The following BPNT1 variants were observed in gnomAD, a reference collection of about 807,000 sequenced individuals.
The protein encoded by BPNT1 is 3'(2'), 5'-bisphosphate nucleotidase 1.
Under a neutral mutation model 36.9 loss-of-function variants are expected in BPNT1, and 28 were observed. The observed-to-expected ratio is 0.76, with a 90% CI of 0.56 to 1.04. The LOEUF is 1.04. Ranked by LOEUF, BPNT1 falls within the 50% of genes least tolerant of loss-of-function variation. The pLI is 0.00. For missense variants in BPNT1, 313 were observed against 372.9 expected, an observed-to-expected ratio of 0.84 and a Z score of 1.32; for synonymous variants, 119 against 130.9, an observed-to-expected ratio of 0.91 and a Z score of 0.62.
intron 2 of BPNT1, among the ~76,000 whole-genome samples, chr1:220,079,300 T>C (rs1258568605): frequency 6.6e-6 from 1 of 151,944 alleles, no homozygotes; most frequent in East Asian, 1.9e-4. Flanking sequence ...TTGCCCAGGC[T>C]GGAGTGCAAT....
chr1:220,059,088 A>G, intron 8 of BPNT1, 96 bp from the exon 9 acceptor site: 1 of 1,213,970 alleles, frequency 8.2e-7, no homozygotes, highest in Non-Finnish European at 1.2e-6. Context: ...CTTATCCAAT[A>G]GTAGCCAATA....
intron 1 of BPNT1, among the ~76,000 whole-genome samples, chr1:220,088,958 A>T (rs111400645): frequency 6.8e-6 from 1 of 146,610 alleles, no homozygotes; most frequent in Non-Finnish European, 1.5e-5. Flanking sequence ...AAAATTAGCC[A>T]GGCTTGGTGG....
At chr1:220,071,023 G>A (rs952520511) in intron 4 of BPNT1, among the ~76,000 whole-genome samples, 54 of 151,428 alleles carry the variant, frequency 3.6e-4, no homozygotes, top group African/African-American at 1.3e-3. Flanking sequence ...TGTAATCCCA[G>A]TTACTCAGGA....
chr1:220,089,104 A>G (rs1656057626), intron 1 of BPNT1, among the ~76,000 whole-genome samples: 1 of 128,812 alleles, frequency 7.8e-6, no homozygotes, highest in Non-Finnish European at 1.8e-5. Context: ...CCGTCTCGAA[A>G]AAAAAAAAAA....
chr1:220,058,312 T>C lies in BPNT1; in HGVS notation c.*532A>G, dbSNP rs147542789. 1.0e-4 allele frequency: 100 copies of C among 988,302 alleles called. No homozygotes were observed. The Middle Eastern group carries it at 2.6e-3, about 26-fold the overall frequency. The allele number at this position is 988,302 out of a possible 1,614,324, so 61.2% of individuals were successfully genotyped here. Reference sequence around the variant, plus strand: ...AAACAAATATAACATATTGAGTTTATAAGTTCTCCAGACGTCAAAATTGGT... The same window carrying C: ...AAACAAATATAACATATTGAGTTTACAAGTTCTCCAGACGTCAAAATTGGT... On this transcript the variant is annotated 3_prime_UTR_variant, in exon 9 of 9. Transcript: ENST00000322067.
Position 220,067,339 on chromosome 1 carries a change from A to G in BPNT1, c.437T>C (p.Ile146Thr). 1 of 1,610,592 alleles carries G rather than the reference A, an allele frequency of 6.2e-7. No individual in the cohort carries two copies. The change falls in exon 6 of 9, where the codon ATA becomes ACA. Residue 146 changes from isoleucine to threonine, a missense_variant. Coordinates refer to ENST00000322067, the MANE Select transcript of BPNT1 (RefSeq NM_006085.6). ...ATATGGCTGGTTAATAACTCCTGCT[A>G]TGGCTTTTCCTTCATAAGCAATTCC... Reference protein sequence around the residue: ...LIGIAYEGKAIAGVINQPYYN... With the variant: ...LIGIAYEGKATAGVINQPYYN...
At chr1:220,067,455 C>T in intron 5 of BPNT1, 62 bp from the exon 6 acceptor site, 1 of 1,119,090 alleles carries the variant, frequency 8.9e-7, no homozygotes, top group South Asian at 1.5e-5. Context: ...ATCATTACTA[C>T]ATCAATTGCT....
At chr1:220,066,236 AT>A in intron 6 of BPNT1, 1 of 543,420 alleles carries the variant, frequency 1.8e-6, no homozygotes, top group South Asian at 4.8e-5. Flanking sequence ...CTTTATATGA[AT>A]TAAATGCCCC....
intron 1 of BPNT1, among the ~76,000 whole-genome samples, chr1:220,083,722 A>G (rs996794144): frequency 1.1e-4 from 17 of 152,132 alleles, no homozygotes; most frequent in African/African-American, 4.1e-4. Flanking sequence ...GGTATGTAAA[A>G]TCTGTAGACA....
intron 1 of BPNT1, among the ~76,000 whole-genome samples, chr1:220,081,354 C>A (rs1655103660): frequency 6.6e-6 from 1 of 152,094 alleles, no homozygotes; most frequent in Non-Finnish European, 1.5e-5. Context: ...ACCAGCCTGA[C>A]CAACATGGTG....
Position 220,082,849 on chromosome 1 carries a change from C to T in BPNT1, c.-8-2995G>A, listed in dbSNP as rs550203432. ...AGATCCACCTGCCCAGCCTCCTTTACATCTTGTTTCTATCATCCACACTCT... is the reference window on the plus strand; with the variant it reads ...AGATCCACCTGCCCAGCCTCCTTTATATCTTGTTTCTATCATCCACACTCT... On this transcript the variant is annotated intron_variant, in intron 1 of 8. Coordinates refer to ENST00000322067, the MANE Select transcript of BPNT1 (RefSeq NM_006085.6). Among the ~76,000 whole-genome samples the T allele has an allele frequency of 6.6e-5, 10 of 152,176 alleles. No homozygotes were observed. In the South Asian group the frequency reaches 1.7e-3, roughly 25 times the overall value.
Position 220,069,440 on chromosome 1 carries a change from T to G in BPNT1, c.334-8A>C, listed in dbSNP as rs751760962. 8 of 1,598,668 alleles carry G rather than the reference T, an allele frequency of 5.0e-6. No individual in the cohort carries two copies. In the South Asian group the frequency reaches 9.2e-5, roughly 18 times the overall value. The stretch of plus-strand genomic sequence containing the variant: ...ATCAACCCAGACCACGAGCTAAAAT[T>G]AAAAAGAGAGAAGGAAAATATCTAA... On this transcript the variant is annotated splice_polypyrimidine_tract_variant and splice_region_variant and intron_variant, in intron 4 of 8. Coordinates refer to ENST00000322067, the MANE Select transcript of BPNT1 (RefSeq NM_006085.6).
At chr1:220,083,023 G>A (rs908707374) in intron 1 of BPNT1, among the ~76,000 whole-genome samples, 8 of 151,902 alleles carry the variant, frequency 5.3e-5, no homozygotes, top group Non-Finnish European at 2.9e-5. Context: ...CAGATCACTA[G>A]GTCAGGAGTT....
Position 220,058,803 on chromosome 1 carries a change from A to G in BPNT1, c.*41T>C, listed in dbSNP as rs1478783523. 8.2e-6 allele frequency: 13 copies of G among 1,591,068 alleles called. No individual in the cohort carries two copies. Among genetic ancestry groups the G allele is most frequent in the Non-Finnish European group, 1.0e-5 (12 of 1,160,918 alleles). On this transcript the variant is annotated 3_prime_UTR_variant, in exon 9 of 9. Transcript: ENST00000322067. The stretch of plus-strand genomic sequence containing the variant: ...CTCGGCCTCCCAAAGTGCTGGGATT[A>G]CAGGCATGAGCCACCGCGCCCGGCC...
chr1:220,084,430 T>G (rs1181958578), intron 1 of BPNT1, among the ~76,000 whole-genome samples: 1 of 152,148 alleles, frequency 6.6e-6, no homozygotes, highest in Non-Finnish European at 1.5e-5. Context: ...TATCCAGACA[T>G]ATATCTGATT....
At chr1:220,059,529 ATC>A (rs1662828268) in intron 8 of BPNT1, among the ~76,000 whole-genome samples, 155 bp downstream of exon 8, 1 of 152,086 alleles carries the variant, frequency 6.6e-6, no homozygotes, top group South Asian at 2.1e-4. Flanking sequence ...TCTCTCATCC[ATC>A]TATCATATGA....
At position 220,057,920 on chromosome 1, in the gene BPNT1, G is replaced by A. The variant is rs936848070; in HGVS notation, c.*924C>T. ...AGGCCAGGTGCGGTGGCTCACACCT[G>A]TAATCCCAGCACTTTGGGAGTCCGA... On this transcript the variant is annotated 3_prime_UTR_variant, in exon 9 of 9. Coordinates refer to ENST00000322067, the MANE Select transcript of BPNT1 (RefSeq NM_006085.6). The A allele has an allele frequency of 8.0e-7, 1 of 1,247,880 alleles. No individual in the cohort carries two copies. The highest frequency in any genetic ancestry group is 2.4e-5 in the Admixed American group (1 of 41,036). 77.3% of individuals were successfully genotyped at this position (1,247,880 alleles called of 1,614,324 possible).
chr1:220,067,857 C>T (rs1469082307), intron 5 of BPNT1, among the ~76,000 whole-genome samples: 1 of 152,212 alleles, frequency 6.6e-6, no homozygotes, highest in Non-Finnish European at 1.5e-5. Context: ...CAGATCTTCT[C>T]AGGCTCCTTC....
At chr1:220,086,018 T>C (rs561000987) in intron 1 of BPNT1, among the ~76,000 whole-genome samples, 2 of 152,292 alleles carry the variant, frequency 1.3e-5, no homozygotes, top group South Asian at 4.1e-4. Context: ...TTCAAGGTCA[T>C]CTGAAAAAAT....
Sources: gnomAD v4.1 joint callset for allele counts (sites outside exome capture counted in the v4.1 genomes callset) on GRCh38, gnomAD v4.1.1 for gene constraint, MANE v1.5 for transcripts, NCBI Gene and HGNC (gene_info 2026-07-23, HGNC 2026-07-21) for gene names.